Variants in IQCJ observed in about 807,000 individuals in gnomAD.
IQCJ encodes IQ motif containing J, also known as IQ domain-containing protein J.
IQCJ carries 9 observed loss-of-function variants against 11.0 expected under a neutral mutation model. The ratio of observed to expected loss-of-function variants is 0.82; its 90% CI spans 0.49 to 1.43. The LOEUF (loss-of-function observed/expected upper bound fraction) is 1.43. IQCJ is among the 40% of genes most tolerant of loss of function. IQCJ has a pLI of 0.00. For synonymous variants in IQCJ, 55 were observed against 51.3 expected (o/e 1.07, Z -0.31); for missense variants, 146 against 133.2 (o/e 1.10, Z -0.47).
intron 1 of IQCJ, among the ~76,000 whole-genome samples, chr3:159,213,570 A>G (rs1725065274): frequency 6.6e-6 from 1 of 152,192 alleles, no homozygotes; most frequent in African/African-American, 2.4e-5. Flanking sequence ...GAACTTGTTT[A>G]TGCTTCATAT....
At chr3:159,081,289 T>C (rs1216232436) in intron 1 of IQCJ, among the ~76,000 whole-genome samples, 5 of 152,074 alleles carry the variant, frequency 3.3e-5, no homozygotes, top group African/African-American at 1.2e-4. Context: ...CCCAGTAGAC[T>C]CTCTCTGGCG....
intron 1 of IQCJ, among the ~76,000 whole-genome samples, chr3:159,179,847 T>C (rs1301179409): frequency 6.6e-6 from 1 of 152,098 alleles, no homozygotes; most frequent in East Asian, 1.9e-4. Flanking sequence ...AGAGCCCAAT[T>C]CAAATTCAGA....
At chr3:159,123,563 C>A (rs975745632) in intron 1 of IQCJ, among the ~76,000 whole-genome samples, 3 of 152,038 alleles carry the variant, frequency 2.0e-5, no homozygotes. Context: ...GCACTTGAGG[C>A]CCCTCATGGC....
intron 1 of IQCJ, among the ~76,000 whole-genome samples, chr3:159,088,435 C>T (rs1324328213): frequency 6.6e-6 from 1 of 152,074 alleles, no homozygotes; most frequent in Non-Finnish European, 1.5e-5. Context: ...TCTATTAGGT[C>T]CACTTGGTGC....
chr3:159,176,543 T>G (rs1415385598), intron 1 of IQCJ, among the ~76,000 whole-genome samples: 1 of 152,286 alleles, frequency 6.6e-6, no homozygotes, highest in South Asian at 2.1e-4. Flanking sequence ...AATAGCACTG[T>G]TTTCTAGGAC....
At chr3:159,162,208 G>C (rs910453291) in intron 1 of IQCJ, among the ~76,000 whole-genome samples, 32 of 152,036 alleles carry the variant, frequency 2.1e-4, no homozygotes, top group Non-Finnish European at 4.3e-4. Flanking sequence ...TTATTTCCTT[G>C]AGCAGTGGTT....
chr3:159,129,916 C>T (rs1253798993), intron 1 of IQCJ, among the ~76,000 whole-genome samples: 1 of 152,082 alleles, frequency 6.6e-6, no homozygotes, highest in Non-Finnish European at 1.5e-5. Context: ...TTTACATGCA[C>T]TTGTGTGTGT....
At chr3:159,180,284 TTC>T (rs143775271) in intron 1 of IQCJ, among the ~76,000 whole-genome samples, 6 of 150,784 alleles carry the variant, frequency 4.0e-5, no homozygotes, top group Non-Finnish European at 5.9e-5. Flanking sequence ...CTCAGGACAT[TTC>T]TCTCTCTCTC....
intron 1 of IQCJ, among the ~76,000 whole-genome samples, chr3:159,228,921 AC>A (rs2108141783): frequency 6.6e-6 from 1 of 152,336 alleles, no homozygotes; most frequent in South Asian, 2.1e-4. Flanking sequence ...TAGAAGAAAG[AC>A]TTAATCTTCT....
intron 1 of IQCJ, among the ~76,000 whole-genome samples, chr3:159,142,952 A>G (rs1386408506): frequency 1.3e-5 from 2 of 152,182 alleles, no homozygotes; most frequent in African/African-American, 4.8e-5. Context: ...TTAGGTCTTG[A>G]TAATTTAAAT....
At chr3:159,210,051 A>C (rs569656873) in intron 1 of IQCJ, among the ~76,000 whole-genome samples, 2 of 152,248 alleles carry the variant, frequency 1.3e-5, no homozygotes, top group Admixed American at 6.5e-5. Flanking sequence ...AAGTGAGGCC[A>C]TGAACCCAGA....
intron 1 of IQCJ, among the ~76,000 whole-genome samples, chr3:159,202,174 G>T (rs1159179113): frequency 6.6e-6 from 1 of 152,122 alleles, no homozygotes; most frequent in Non-Finnish European, 1.5e-5. Context: ...GCCTCTCAAA[G>T]ATCCATTTGT....
intron 1 of IQCJ, among the ~76,000 whole-genome samples, chr3:159,090,412 C>A (rs1434078186): frequency 1.3e-5 from 2 of 151,832 alleles, no homozygotes; most frequent in Admixed American, 6.5e-5. Flanking sequence ...TCCTATTTGG[C>A]CATCTTGGCT....
At chr3:159,162,517 C>G (rs1203420611) in intron 1 of IQCJ, among the ~76,000 whole-genome samples, 2 of 152,176 alleles carry the variant, frequency 1.3e-5, no homozygotes, top group African/African-American at 4.8e-5. Flanking sequence ...ATTGAATATC[C>G]TTTATTTCCT....
chr3:159,127,936 C>T (rs1469326893), intron 1 of IQCJ, among the ~76,000 whole-genome samples: 2 of 152,148 alleles, frequency 1.3e-5, no homozygotes, highest in Non-Finnish European at 2.9e-5. Flanking sequence ...CCACAGTGCT[C>T]ATTTATGTGA....
intron 1 of IQCJ, among the ~76,000 whole-genome samples, chr3:159,237,968 G>A (rs777545679): frequency 2.0e-5 from 3 of 152,174 alleles, no homozygotes; most frequent in Non-Finnish European, 2.9e-5. Flanking sequence ...GTAAAAGGAC[G>A]ACTGAGAGTT....
At chr3:159,086,757 A>G (rs1716808261) in intron 1 of IQCJ, among the ~76,000 whole-genome samples, 1 of 152,074 alleles carries the variant, frequency 6.6e-6, no homozygotes, top group African/African-American at 2.4e-5. Context: ...TGATTTTTGT[A>G]CATTGATTTT....
intron 1 of IQCJ, among the ~76,000 whole-genome samples, chr3:159,087,236 A>G (rs968041639): frequency 2.0e-5 from 3 of 151,818 alleles, no homozygotes; most frequent in African/African-American, 7.3e-5. Flanking sequence ...ATTTGCATAT[A>G]TTGAACCAGC....
intron 1 of IQCJ, among the ~76,000 whole-genome samples, chr3:159,094,609 A>C (rs954539098): frequency 2.0e-5 from 3 of 151,642 alleles, no homozygotes; most frequent in Non-Finnish European, 4.4e-5. Context: ...GGAGAGAGCC[A>C]ATGTGTCACC....
Sources: gnomAD v4.1 joint callset for allele counts (sites outside exome capture counted in the v4.1 genomes callset) on GRCh38, gnomAD v4.1.1 for gene constraint, MANE v1.5 for transcripts, NCBI Gene and HGNC (gene_info 2026-07-23, HGNC 2026-07-21) for gene names.